The following ASB2 variants were observed in gnomAD, a reference collection of about 807,000 sequenced individuals.
The protein encoded by ASB2 is ankyrin repeat and SOCS box protein 2.
ASB2 carries 58 observed loss-of-function variants against 62.4 expected under a neutral mutation model. The ratio of observed to expected loss-of-function variants is 0.93; its 90% CI spans 0.75 to 1.16. ASB2 has a LOEUF of 1.16. Ranked by LOEUF, ASB2 falls within the 50% of genes most tolerant of loss-of-function variation. The probability of loss-of-function intolerance (pLI) is 0.00; values close to 1 mark genes in which losing one functional copy is unlikely to be tolerated. For missense variants in ASB2, 928 were observed against 887.9 expected (o/e 1.05, Z -0.57); for synonymous variants, 386 against 385.3 (o/e 1.00, Z -0.02).
chr14:93,948,601 A>G (rs1888829040), intron 6 of ASB2, among the ~76,000 whole-genome samples: 1 of 152,166 alleles, frequency 6.6e-6, no homozygotes, highest in African/African-American at 2.4e-5. Flanking sequence ...TCTGCCTTTC[A>G]CTTCAAGGAA....
chr14:93,954,201 C>G lies in ASB2; in HGVS notation c.478+116G>C. 4 of 825,598 alleles carry G rather than the reference C, an allele frequency of 4.8e-6. No homozygotes were observed. In the South Asian group the frequency reaches 6.2e-5, roughly 13 times the overall value. 51.1% of individuals were successfully genotyped at this position (825,598 alleles called of 1,614,324 possible). ...ACTAACTGACAAATGAAAGTGACAG[C>G]CTTGCCTGCCCTTCTCCCAAGATGA... On this transcript the variant is annotated intron_variant, in intron 4 of 9. Coordinates refer to ENST00000555019, the MANE Select transcript of ASB2 (RefSeq NM_001202429.2).
chr14:93,942,851 GAT>G (rs1888581131), intron 7 of ASB2, among the ~76,000 whole-genome samples: 1 of 80,914 alleles, frequency 1.2e-5, no homozygotes, highest in African/African-American at 5.9e-5. Flanking sequence ...TAATAATAGT[GAT>G]GATGATGATG....
chr14:93,962,146 G>A (rs1445893867), intron 2 of ASB2, among the ~76,000 whole-genome samples: 2 of 98,242 alleles, frequency 2.0e-5, no homozygotes, highest in African/African-American at 8.1e-5. Flanking sequence ...ATGGAGTCTC[G>A]CTCTGTCGCC....
chr14:93,955,818 C>T (rs139406608), intron 3 of ASB2, among the ~76,000 whole-genome samples: 8 of 152,196 alleles, frequency 5.3e-5, no homozygotes, highest in South Asian at 2.1e-4. Context: ...GTAAGCTGGA[C>T]GGGACCCTAG....
chr14:93,939,240 G>A lies in ASB2; in HGVS notation c.1485C>T (p.Leu495=), dbSNP rs1347873195. The A allele has an allele frequency of 1.6e-5, 25 of 1,610,000 alleles. No individual in the cohort carries two copies. Among genetic ancestry groups the A allele is most frequent in the Non-Finnish European group, 2.1e-5 (25 of 1,177,342 alleles). ...GCTCGCCGTCGCAGCCCAGGTCCAT[G>A]AGGAACTTGAGCAGCGACAGGCACT... ...AMKCLSLLKF[L]MDLGCDGEPC... The change falls in exon 8 of 10, where the codon CTC becomes CTT. Residue 495 remains leucine, a synonymous_variant. Transcript: ENST00000555019.
intron 7 of ASB2, among the ~76,000 whole-genome samples, chr14:93,946,230 C>T (rs567255512): frequency 1.2e-4 from 19 of 152,318 alleles, no homozygotes; most frequent in African/African-American, 4.3e-4. Context: ...CCAGAGTCTT[C>T]GTTTCCTGTC....
intron 5 of ASB2, among the ~76,000 whole-genome samples, chr14:93,953,144 T>A (rs1240879481): frequency 6.6e-6 from 1 of 152,220 alleles, no homozygotes; most frequent in Non-Finnish European, 1.5e-5. Context: ...CTCCAAGCCC[T>A]CAGTGTCCCT....
intron 2 of ASB2, among the ~76,000 whole-genome samples, chr14:93,963,559 T>C (rs955432337): frequency 2.0e-5 from 3 of 152,200 alleles, no homozygotes; most frequent in African/African-American, 7.2e-5. Context: ...ATTGGCCACA[T>C]GTGCTAGGGA....
chr14:93,943,277 C>T (rs1888600754), intron 7 of ASB2, among the ~76,000 whole-genome samples: 1 of 152,228 alleles, frequency 6.6e-6, no homozygotes. Flanking sequence ...CCTACTGCCC[C>T]TGCTACCCTA....
Position 93,939,372 on chromosome 14 carries a change from G to C in ASB2, c.1353C>G (p.His451Gln). 1 of 1,612,810 alleles carries C rather than the reference G, an allele frequency of 6.2e-7. No homozygotes were observed. Among genetic ancestry groups the C allele is most frequent in the Non-Finnish European group, 8.5e-7 (1 of 1,179,820 alleles). ...GCAGCTGCATTGTGCGCAGGCAGCC[G>C]TGGCGGATGGCCACGAGCAAGGGGC... ...VISPLLVAIRHGCLRTMQLLL... is the reference protein window; with the variant it reads ...VISPLLVAIRQGCLRTMQLLL... The change falls in exon 8 of 10, where the codon CAC (histidine) becomes CAG (glutamine). Residue 451 changes from histidine to glutamine, a missense_variant. Coordinates refer to ENST00000555019, the MANE Select transcript of ASB2 (RefSeq NM_001202429.2).
chr14:93,943,225 T>G (rs899307559), intron 7 of ASB2, among the ~76,000 whole-genome samples: 5 of 152,234 alleles, frequency 3.3e-5, no homozygotes, highest in African/African-American at 1.2e-4. Context: ...CGGCAGTGAA[T>G]GAACAATGCT....
chr14:93,946,171 A>G (rs1369347347), intron 7 of ASB2, among the ~76,000 whole-genome samples: 2 of 152,242 alleles, frequency 1.3e-5, no homozygotes, highest in African/African-American at 4.8e-5. Flanking sequence ...GCTGGGGTTT[A>G]AGTCCTAGCC....
At chr14:93,956,916 T>C (rs1468003937) in intron 2 of ASB2, 46 bp from the exon 3 acceptor site, 2 of 1,610,926 alleles carry the variant, frequency 1.2e-6, no homozygotes, top group Non-Finnish European at 1.7e-6. Context: ...GTACTCTGCA[T>C]AGGAGAAGCG....
intron 8 of ASB2, 31 bp downstream of exon 8, chr14:93,939,077 G>C (rs1426807175): frequency 7.0e-7 from 1 of 1,429,162 alleles, no homozygotes; most frequent in East Asian, 2.6e-5. Flanking sequence ...CCCAAAAGGC[G>C]TGCTCCCCAC....
At position 93,939,109 on chromosome 14, in the gene ASB2, T is replaced by G. The variant is rs769234808; in HGVS notation, c.1616A>C (p.Gln539Pro). The change falls in exon 8 of 10, where the codon CAG becomes CCG. Residue 539 changes from glutamine to proline, a missense_variant and splice_region_variant. Physicochemically the swap from Gln to Pro is moderately conservative, Grantham distance 76. Transcript: ENST00000555019. ...PAADKEPSVV[Q>P]FCEFVSAPEV... ...CCACCGCCAGCGTGCGCTGCCCACC[T>G]GCACCACGCTGGGCTCCTTGTCGGC... 1.3e-5 allele frequency: 20 copies of G among 1,489,320 alleles called. No individual in the cohort carries two copies. Among genetic ancestry groups the G allele is most frequent in the Non-Finnish European group, 1.7e-5 (19 of 1,116,998 alleles). The allele number at this position is 1,489,320 out of a possible 1,614,324, so 92.3% of individuals were successfully genotyped here. A position where few individuals can be genotyped will look rare whatever the true frequency, so the allele number is the denominator to read the frequency against.
chr14:93,954,576 G>T, intron 3 of ASB2, 93 bp from the exon 4 acceptor site: 1 of 1,168,840 alleles, frequency 8.6e-7, no homozygotes, highest in Non-Finnish European at 1.2e-6. Flanking sequence ...GGAGTCACTC[G>T]GTCCTCGTCC....
chr14:93,945,466 G>C (rs1205968985), intron 7 of ASB2, among the ~76,000 whole-genome samples: 1 of 152,192 alleles, frequency 6.6e-6, no homozygotes, highest in African/African-American at 2.4e-5. Context: ...CGCTCTGCTA[G>C]GTGCTTTTTT....
chr14:93,966,024 C>A (rs1460052389), intron 1 of ASB2, among the ~76,000 whole-genome samples: 1 of 152,254 alleles, frequency 6.6e-6, no homozygotes, highest in Non-Finnish European at 1.5e-5. Context: ...GAAGCCGACC[C>A]AGATCCTTCT....
At chr14:93,972,524 G>A (rs934306600) in intron 1 of ASB2, among the ~76,000 whole-genome samples, 76 of 152,216 alleles carry the variant, frequency 5.0e-4, no homozygotes, top group African/African-American at 1.8e-3. Flanking sequence ...TTCCCATGGC[G>A]CGGATGAGGA....
Sources: gnomAD v4.1 joint callset for allele counts (sites outside exome capture counted in the v4.1 genomes callset) on GRCh38, gnomAD v4.1.1 for gene constraint, MANE v1.5 for transcripts, NCBI Gene and HGNC (gene_info 2026-07-23, HGNC 2026-07-21) for gene names.